The following CGAS variants were observed in gnomAD, a reference collection of about 807,000 sequenced individuals.
CGAS encodes the protein cyclic GMP-AMP synthase.
A neutral mutation model predicts 34.0 loss-of-function variants in CGAS; 31 were observed. The ratio of observed to expected loss-of-function variants is 0.91; its 90% confidence interval spans 0.69 to 1.23. The LOEUF is 1.23. Ranked by LOEUF, CGAS falls within the 50% of genes most tolerant of loss-of-function variation. CGAS has a pLI of 0.00. For synonymous variants in CGAS, 266 were observed against 260.0 expected (o/e 1.02, Z -0.22); for missense variants, 597 against 657.6 (o/e 0.91, Z 1.01).
chr6:73,443,600 A>G lies in CGAS; in HGVS notation c.877+1928T>C, dbSNP rs556791076. Among the ~76,000 whole-genome samples, 141 of 151,278 alleles carry G rather than the reference A, an allele frequency of 9.3e-4. 1 individual carries two copies. Among genetic ancestry groups the G allele is most frequent in the East Asian group, 3.7e-3 (19 of 5,144 alleles). Reference sequence around the variant, plus strand: ...TACTTAACATTGCAACTTCCCCCCCACCTCCATCTCCCACATTCCTGATCC... The same window carrying G: ...TACTTAACATTGCAACTTCCCCCCCGCCTCCATCTCCCACATTCCTGATCC... On this transcript the variant is annotated intron_variant, in intron 2 of 4. Coordinates refer to ENST00000370315, the MANE Select transcript of CGAS (RefSeq NM_138441.3).
chr6:73,451,998 T>A lies in CGAS; in HGVS notation c.184A>T (p.Lys62Ter), dbSNP rs943315453. The change falls in exon 1 of 5, where the codon AAA becomes TAA. Residue 62 changes from lysine to a stop codon, truncating the protein, a stop_gained. Transcript: ENST00000370315. LOFTEE classifies it high-confidence loss of function. Reference sequence around the variant, plus strand: ...TCCTGGGTGTCCGGGGCGCTCTTTTTCTGCCGGGATCCCGACTTCCTGGCG... The same window carrying A: ...TCCTGGGTGTCCGGGGCGCTCTTTTACTGCCGGGATCCCGACTTCCTGGCG... ...GPARKSGSRQKKSAPDTQERP... is the reference protein window; with the variant it reads ...GPARKSGSRQ 2.0e-6 allele frequency: 3 copies of A among 1,477,322 alleles called. No homozygotes were observed. Among genetic ancestry groups the A allele is most frequent in the Non-Finnish European group, 2.7e-6 (3 of 1,112,410 alleles). 91.5% of individuals were successfully genotyped at this position (1,477,322 alleles called of 1,614,324 possible).
At chr6:73,444,557 C>T (rs1318354544) in intron 2 of CGAS, among the ~76,000 whole-genome samples, 1 of 151,998 alleles carries the variant, frequency 6.6e-6, no homozygotes, top group Non-Finnish European at 1.5e-5. Context: ...GATCCACGCA[C>T]CTCAGCCTCC....
chr6:73,446,082 A>T (rs533861385), intron 1 of CGAS, among the ~76,000 whole-genome samples: 1 of 152,184 alleles, frequency 6.6e-6, no homozygotes, highest in South Asian at 2.1e-4. Context: ...TAATCCCAGC[A>T]CTTTGGGAGG....
At chr6:73,439,254 A>G (rs1228955219) in intron 3 of CGAS, among the ~76,000 whole-genome samples, 16 of 151,796 alleles carry the variant, frequency 1.1e-4, no homozygotes, top group African/African-American at 3.9e-4. Flanking sequence ...AATCACAAGG[A>G]AAAAAGCTAC....
intron 3 of CGAS, among the ~76,000 whole-genome samples, chr6:73,432,944 C>T (rs1262808084): frequency 1.3e-5 from 2 of 152,046 alleles, no homozygotes; most frequent in African/African-American, 4.8e-5. Context: ...ACTAGCCAGA[C>T]ACGGTGGTGG....
At chr6:73,449,977 C>G (rs1439783121) in intron 1 of CGAS, among the ~76,000 whole-genome samples, 2 of 146,902 alleles carry the variant, frequency 1.4e-5, no homozygotes, top group Admixed American at 1.4e-4. Flanking sequence ...GCCTGGGCAA[C>G]AAGAGTGAAA....
chr6:73,428,911 G>A, intron 3 of CGAS, 100 bp from the exon 4 acceptor site: 2 of 1,056,050 alleles, frequency 1.9e-6, no homozygotes, highest in Non-Finnish European at 1.4e-6. Context: ...CTGGGGCTGG[G>A]CATGGGGGCT....
At chr6:73,448,675 G>C (rs2882526) in intron 1 of CGAS, among the ~76,000 whole-genome samples, 123 of 152,196 alleles carry the variant, frequency 8.1e-4, no homozygotes, top group African/African-American at 2.7e-3. Flanking sequence ...TTTTGGTAGA[G>C]CTGGGGTCTC....
At chr6:73,444,859 G>A (rs965366269) in intron 2 of CGAS, among the ~76,000 whole-genome samples, 9 of 152,140 alleles carry the variant, frequency 5.9e-5, no homozygotes, top group Non-Finnish European at 1.0e-4. Context: ...TCTGGATTAA[G>A]CGTAGGGGGT....
At chr6:73,433,812 G>A (rs1770234771) in intron 3 of CGAS, among the ~76,000 whole-genome samples, 1 of 152,010 alleles carries the variant, frequency 6.6e-6, no homozygotes, top group Admixed American at 6.6e-5. Context: ...TGTTGTCCAA[G>A]ATGGTCTTGA....
chr6:73,441,351 G>A (rs1157112244), intron 2 of CGAS, among the ~76,000 whole-genome samples: 2 of 152,144 alleles, frequency 1.3e-5, no homozygotes, highest in African/African-American at 4.8e-5. Flanking sequence ...AAAGACCACA[G>A]CAACAGCCTG....
At chr6:73,431,134 A>C (rs554219379) in intron 3 of CGAS, among the ~76,000 whole-genome samples, 19 of 151,862 alleles carry the variant, frequency 1.3e-4, no homozygotes, top group Admixed American at 5.3e-4. Flanking sequence ...AAACAAACAA[A>C]AAAAAACACC....
At chr6:73,442,141 A>G (rs1057084214) in intron 2 of CGAS, among the ~76,000 whole-genome samples, 24 of 151,950 alleles carry the variant, frequency 1.6e-4, no homozygotes, top group Non-Finnish European at 2.4e-4. Flanking sequence ...CCAAAGTGCT[A>G]GGGTTACAAG....
In CGAS at chr6:73,425,591, A is replaced by C. The variant is rs760926344; in HGVS notation, c.1218-13T>G. ...TAAACAATCTTTCCTGTTGAATAAAAAAGGAAAACACTTATTTTTACTTAT... is the reference window on the plus strand; with the variant it reads ...TAAACAATCTTTCCTGTTGAATAAACAAGGAAAACACTTATTTTTACTTAT... On this transcript the variant is annotated splice_polypyrimidine_tract_variant and intron_variant, in intron 4 of 4. Coordinates refer to ENST00000370315, the MANE Select transcript of CGAS (RefSeq NM_138441.3). The C allele has an allele frequency of 2.6e-6, 4 of 1,511,626 alleles. No individual in the cohort carries two copies. Among genetic ancestry groups the C allele is most frequent in the Non-Finnish European group, 3.6e-6 (4 of 1,113,930 alleles). 93.6% of individuals were successfully genotyped at this position (1,511,626 alleles called of 1,614,324 possible).
At chr6:73,429,235 C>G (rs182225256) in intron 3 of CGAS, among the ~76,000 whole-genome samples, 2 of 148,256 alleles carry the variant, frequency 1.3e-5, no homozygotes, top group Admixed American at 1.3e-4. Context: ...CTGAAAAAAT[C>G]TTAGGAGTGA....
At chr6:73,432,217 A>C (rs1370972793) in intron 3 of CGAS, among the ~76,000 whole-genome samples, 1 of 152,108 alleles carries the variant, frequency 6.6e-6, no homozygotes, top group Non-Finnish European at 1.5e-5. Context: ...GCTGGAGTGC[A>C]GTGACACCAT....
intron 4 of CGAS, among the ~76,000 whole-genome samples, chr6:73,428,396 G>C (rs555948509): frequency 6.6e-6 from 1 of 152,046 alleles, no homozygotes; most frequent in South Asian, 2.1e-4. Context: ...AGAATACTAA[G>C]ACCCATCGAA....
At chr6:73,438,191 A>G (rs965579776) in intron 3 of CGAS, among the ~76,000 whole-genome samples, 1 of 152,244 alleles carries the variant, frequency 6.6e-6, no homozygotes, top group African/African-American at 2.4e-5. Flanking sequence ...AGGTGTTATA[A>G]GTGTCTCCAA....
Position 73,425,499 on chromosome 6 carries a change from A to T in CGAS, c.1297T>A (p.Phe433Ile), listed in dbSNP as rs1312755765. Residue 433 changes from phenylalanine (F) to isoleucine (I), a missense_variant, in exon 5 of 5, where the codon TTC (phenylalanine) becomes ATC (isoleucine). Around this residue, in one of 3 missense-constraint regions of CGAS, gnomAD observed 271 missense variants for 324.1 expected, o/e 0.84. Coordinates refer to ENST00000370315, the MANE Select transcript of CGAS (RefSeq NM_138441.3). ...GCAGTTTTCACATGATAAGAAGAGAATTTATCCAGATGTTTTTTGTCTTTA... is the reference window on the plus strand; with the variant it reads ...GCAGTTTTCACATGATAAGAAGAGATTTTATCCAGATGTTTTTTGTCTTTA... ...RFKDKKHLDK[F>I]SSYHVKTAFF... 1.9e-6 allele frequency: 3 copies of T among 1,613,356 alleles called. No individual in the cohort carries two copies. Among genetic ancestry groups the T allele is most frequent in the Non-Finnish European group, 2.5e-6 (3 of 1,179,856 alleles).
Sources: gnomAD v4.1 joint callset for allele counts (sites outside exome capture counted in the v4.1 genomes callset) on GRCh38, gnomAD v4.1.1 for gene constraint, gnomAD v4.1.1 regional missense constraint, MANE v1.5 for transcripts, NCBI Gene and HGNC (gene_info 2026-07-23, HGNC 2026-07-21) for gene names.